Variants in LRRFIP1 observed in about 807,000 individuals in gnomAD.
The protein encoded by LRRFIP1 is LRR binding FLII interacting protein 1.
A neutral mutation model predicts 104.4 loss-of-function variants in LRRFIP1; 62 were observed. The observed-to-expected ratio is 0.59, with a 90% CI of 0.48 to 0.73. The LOEUF is 0.73. Ranked by LOEUF, LRRFIP1 falls within the 30% of genes least tolerant of loss-of-function variation. The pLI is 0.00. For missense variants in LRRFIP1, 796 were observed against 824.5 expected (o/e 0.97, Z 0.42); for synonymous variants, 300 against 299.0 (o/e 1.00, Z -0.03).
intron 13 of LRRFIP1, among the ~76,000 whole-genome samples, chr2:237,749,946 T>G (rs1481655987): frequency 6.6e-6 from 1 of 152,182 alleles, no homozygotes; most frequent in Non-Finnish European, 1.5e-5. Context: ...GGACAGTGCA[T>G]CTGAAAACCT....
chr2:237,701,762 T>A (rs2093545601), intron 1 of LRRFIP1, among the ~76,000 whole-genome samples: 1 of 152,198 alleles, frequency 6.6e-6, no homozygotes, highest in Admixed American at 6.5e-5. Flanking sequence ...TGTCTAGAAC[T>A]AGAGCCCCTC....
At chr2:237,667,249 C>G (rs899204308) in intron 1 of LRRFIP1, among the ~76,000 whole-genome samples, 1 of 152,150 alleles carries the variant, frequency 6.6e-6, no homozygotes, top group African/African-American at 2.4e-5. Flanking sequence ...TCACTGTTCA[C>G]CTCCCACTTA....
chr2:237,732,612 A>G (rs1391266710), intron 8 of LRRFIP1, among the ~76,000 whole-genome samples: 1 of 152,196 alleles, frequency 6.6e-6, no homozygotes, highest in Non-Finnish European at 1.5e-5. Context: ...ATAAGTTAGA[A>G]CCTATATAGA....
At chr2:237,755,971 TGA>T (rs1576305984) in intron 15 of LRRFIP1, 122 bp from the exon 16 acceptor site, 2 of 532,618 alleles carry the variant, frequency 3.8e-6, no homozygotes, top group Non-Finnish European at 3.3e-6. Context: ...TAAAAGACCT[TGA>T]AGATTGTGAT....
At chr2:237,659,243 A>C (rs2087398162) in intron 1 of LRRFIP1, among the ~76,000 whole-genome samples, 1 of 151,662 alleles carries the variant, frequency 6.6e-6, no homozygotes, top group South Asian at 2.1e-4. Flanking sequence ...ACAGGAACAC[A>C]CCACTACACT....
chr2:237,747,495 C>T (rs2058030496), intron 11 of LRRFIP1, among the ~76,000 whole-genome samples: 1 of 152,186 alleles, frequency 6.6e-6, no homozygotes. Context: ...TCCCCGGCAC[C>T]AGCGTCTGTG....
chr2:237,630,467 A>G (rs890364917), intron 1 of LRRFIP1, among the ~76,000 whole-genome samples: 1 of 152,236 alleles, frequency 6.6e-6, no homozygotes, highest in Non-Finnish European at 1.5e-5. Flanking sequence ...TGACACCTGT[A>G]GATCAATAAT....
chr2:237,654,270 T>G (rs2086421198), intron 1 of LRRFIP1, among the ~76,000 whole-genome samples: 1 of 152,052 alleles, frequency 6.6e-6, no homozygotes, highest in East Asian at 1.9e-4. Flanking sequence ...ATGCTTGACA[T>G]CATTAATCAT....
rs191233225 is a variant in LRRFIP1 at position 237,758,417 on chromosome 2, C to G, written c.1225-312C>G. Reference sequence around the variant, plus strand: ...GTGGAGACTTTGCGTAACTCTAACGCAGCTGTGAACACGCAGACAAAGCTA... The same window carrying G: ...GTGGAGACTTTGCGTAACTCTAACGGAGCTGTGAACACGCAGACAAAGCTA... On this transcript the variant is annotated intron_variant, in intron 17 of 23. Transcript: ENST00000308482. Among the ~76,000 whole-genome samples, 43 of 152,332 alleles carry G rather than the reference C, an allele frequency of 2.8e-4. No homozygotes were observed. The East Asian group carries it at 7.5e-3, about 27-fold the overall frequency.
intron 9 of LRRFIP1, among the ~76,000 whole-genome samples, chr2:237,734,435 C>T (rs2095165005): frequency 6.6e-6 from 1 of 151,970 alleles, no homozygotes; most frequent in Admixed American, 6.6e-5. Flanking sequence ...CACGTGTCAC[C>T]ACACCCAGTT....
intron 19 of LRRFIP1, chr2:237,763,821 A>G (rs755979509): frequency 8.1e-6 from 13 of 1,614,100 alleles, no homozygotes; most frequent in Non-Finnish European, 6.8e-6. Flanking sequence ...GTTGCAAAAG[A>G]TAATGCTAAA....
chr2:237,744,758 G>A (rs936655623), intron 11 of LRRFIP1, among the ~76,000 whole-genome samples: 4 of 152,238 alleles, frequency 2.6e-5, no homozygotes, highest in Admixed American at 6.5e-5. Context: ...GACCTGAAAT[G>A]TTTAGTATCA....
At chr2:237,695,185 A>G (rs10174113) in intron 1 of LRRFIP1, among the ~76,000 whole-genome samples, 11,900 of 152,206 alleles carry the variant, frequency 0.078, 1,404 homozygotes, top group African/African-American at 0.26. Context: ...AGTAGTATTG[A>G]GAGTGTCCTA....
chr2:237,709,262 T>G (rs778957879), intron 2 of LRRFIP1, among the ~76,000 whole-genome samples: 4 of 152,224 alleles, frequency 2.6e-5, no homozygotes, highest in Non-Finnish European at 4.4e-5. Context: ...ATAAGGGTTC[T>G]TTAACTCACA....
chr2:237,767,348 G>A (rs1472521658), intron 19 of LRRFIP1, among the ~76,000 whole-genome samples: 1 of 152,190 alleles, frequency 6.6e-6, no homozygotes, highest in East Asian at 1.9e-4. Context: ...GACCACTGGG[G>A]TTTCACTATC....
At chr2:237,700,545 A>T (rs140465051) in intron 1 of LRRFIP1, among the ~76,000 whole-genome samples, 3 of 152,196 alleles carry the variant, frequency 2.0e-5, no homozygotes, top group African/African-American at 7.2e-5. Flanking sequence ...GCGAAAATGA[A>T]TGTGTGTAAT....
intron 1 of LRRFIP1, among the ~76,000 whole-genome samples, chr2:237,646,540 C>G (rs1185182159): frequency 1.3e-5 from 2 of 151,926 alleles, no homozygotes; most frequent in East Asian, 1.9e-4. Context: ...TGTTTGCCCC[C>G]ACAAGCCCGC....
intron 11 of LRRFIP1, among the ~76,000 whole-genome samples, chr2:237,746,951 C>T (rs2057953684): frequency 6.6e-6 from 1 of 152,234 alleles, no homozygotes; most frequent in South Asian, 2.1e-4. Context: ...ATCCCACTGG[C>T]CTGAGGGATG....
In LRRFIP1 at chr2:237,717,780, A is replaced by G; in HGVS notation, c.220A>G (p.Thr74Ala). The change falls in exon 4 of 24, where the codon ACA becomes GCA. Residue 74 changes from threonine to alanine, a missense_variant. By Grantham distance (58) the Thr-to-Ala change is moderately conservative. Transcript: ENST00000308482. This position sits in a 1 kb window ranked among gnomAD's most constrained non-coding sequence, Gnocchi z 4.2. ...QVQKKYYGLD[T>A]KWGDIEQWME... Reference sequence around the variant, plus strand: ...TCTATAGAAATATTATGGGCTGGATACAAAATGGGGTGACATCGAGCAGTG... The same window carrying G: ...TCTATAGAAATATTATGGGCTGGATGCAAAATGGGGTGACATCGAGCAGTG... 6.2e-7 allele frequency: 1 copy of G among 1,613,110 alleles called. No individual in the cohort carries two copies. The highest frequency in any genetic ancestry group is 1.1e-5 in the South Asian group (1 of 91,070).
Sources: allele counts gnomAD v4.1 joint callset (sites outside exome capture counted in the v4.1 genomes callset), GRCh38; gene constraint gnomAD v4.1.1; non-coding constraint Gnocchi (gnomAD v3.1); transcripts MANE v1.5; gene names NCBI Gene and HGNC (gene_info 2026-07-23, HGNC 2026-07-21).